The following YBEY variants were observed in gnomAD, a reference collection of about 807,000 sequenced individuals.
YBEY encodes the protein ybeY metalloendoribonuclease.
Under a neutral mutation model 13.5 loss-of-function variants are expected in YBEY, and 15 were observed. The ratio of observed to expected loss-of-function variants is 1.11; its 90% CI spans 0.75 to 1.72. The LOEUF is 1.72. Among genes scored for constraint, YBEY ranks in the 40% most tolerant of loss-of-function variants. The probability of loss-of-function intolerance (pLI) is 0.00; values close to 1 mark genes in which losing one functional copy is unlikely to be tolerated. For missense variants in YBEY, 244 were observed against 208.4 expected, an observed-to-expected ratio of 1.17 and a Z score of -1.05; for synonymous variants, 101 against 83.1, an observed-to-expected ratio of 1.21 and a Z score of -1.17.
chr21:46,293,288 A>AAT (rs1555920178), intron 3 of YBEY, among the ~76,000 whole-genome samples: 1 of 69,222 alleles, frequency 1.4e-5, no homozygotes, highest in Admixed American at 1.5e-4. Context: ...CTCAGTGGGG[A>AAT]CAGCCACACA....
chr21:46,302,978 CG>C, the YBEY span, among the ~76,000 whole-genome samples: 1 of 151,378 alleles, frequency 6.6e-6, no homozygotes, highest in African/African-American at 2.4e-5. Flanking sequence ...TGCGGGTCCC[CG>C]GGGCGCGCCC....
At chr21:46,291,254 G>A in intron 2 of YBEY, 80 bp from the exon 3 acceptor site, 2 of 1,570,202 alleles carry the variant, frequency 1.3e-6, no homozygotes, top group Non-Finnish European at 1.7e-6. Flanking sequence ...TTTGCCTTGG[G>A]ATTAACCAGG....
At chr21:46,303,727 ATATATATATATATATATATTT>A in the YBEY span, among the ~76,000 whole-genome samples, 57 of 26,610 alleles carry the variant, frequency 2.1e-3, 2 homozygotes, top group African/African-American at 8.3e-3. Flanking sequence ...ATATATATAT[ATATATATATATATATATATTT>A]TTTTTTTTTT....
the YBEY span, chr21:46,311,751 TCATCCATCCACC>T: frequency 1.6e-4 from 47 of 292,960 alleles, no homozygotes; most frequent in Non-Finnish European, 2.4e-4. Flanking sequence ...ATCCACCCAC[TCATCCATCCACC>T]CATCCATCCA....
At position 46,287,119 on chromosome 21, in the gene YBEY, A is replaced by C. The variant is rs1299245439; in HGVS notation, c.206A>C (p.His69Pro). The C allele has an allele frequency of 1.3e-6, 2 of 1,508,686 alleles. No homozygotes were observed. Among genetic ancestry groups the C allele is most frequent in the Non-Finnish European group, 1.8e-6 (2 of 1,110,620 alleles). 93.5% of individuals were successfully genotyped at this position (1,508,686 alleles called of 1,614,324 possible). A position where few individuals can be genotyped will look rare whatever the true frequency, so the allele number is the denominator to read the frequency against. Residue 69 changes from histidine to proline, a missense_variant, in exon 2 of 5, where the codon CAT (histidine) becomes CCT (proline). His to Pro is a moderately conservative substitution (Grantham distance 77, BLOSUM62 -2). Coordinates refer to ENST00000397701, the MANE Select transcript of YBEY (RefSeq NM_001314025.2). ...ACCGATGTGCTTTCTTTTCCATTTC[A>C]TGAGGTAAAAAAAAAATGTTCCTCT... The part of the protein sequence containing the change: ...VPTDVLSFPF[H>P]EHLKAGEFPQ...
chr21:46,309,185 G>A, the YBEY span, among the ~76,000 whole-genome samples: 3 of 152,118 alleles, frequency 2.0e-5, no homozygotes, highest in Non-Finnish European at 2.9e-5. Flanking sequence ...CGAAGGCCAG[G>A]CCTGGTGGCT....
intron 3 of YBEY, among the ~76,000 whole-genome samples, 183 bp from the exon 4 acceptor site, chr21:46,295,979 T>G (rs565972455): frequency 2.3e-4 from 35 of 152,254 alleles, no homozygotes; most frequent in Middle Eastern, 3.4e-3. Flanking sequence ...GGGGCTTGCT[T>G]GCTTTCCATT....
At chr21:46,298,490 G>A (rs1285058083), downstream of YBEY, among the ~76,000 whole-genome samples, 2 of 131,790 alleles carry the variant, frequency 1.5e-5, no homozygotes, top group African/African-American at 5.5e-5. Flanking sequence ...GTGCAGTGGT[G>A]CGATCTCGGC....
At chr21:46,299,015 C>T (rs183719700), downstream of YBEY, among the ~76,000 whole-genome samples, 152 of 151,588 alleles carry the variant, frequency 1.0e-3, 2 homozygotes, top group South Asian at 1.0e-3. Context: ...AGCCACACAC[C>T]GTGTCCGGCC....
intron 4 of YBEY, among the ~76,000 whole-genome samples, chr21:46,296,480 C>G (rs2081955379): frequency 6.6e-6 from 1 of 152,162 alleles, no homozygotes; most frequent in Admixed American, 6.5e-5. Flanking sequence ...TAGCACGTGG[C>G]GCTTGGTCAA....
At chr21:46,309,687 C>A in the YBEY span, among the ~76,000 whole-genome samples, 4 of 151,914 alleles carry the variant, frequency 2.6e-5, no homozygotes, top group Admixed American at 6.6e-5. Flanking sequence ...ACTGTGTAGA[C>A]CATTTCTACA....
chr21:46,301,825 A>G (rs3747007), downstream of YBEY: 857,265 of 1,260,114 alleles, frequency 0.68, 296,405 homozygotes, highest in Non-Finnish European at 0.71. Context: ...CCCCGTGACC[A>G]GAAAGCGAGC....
chr21:46,291,533 A>C (rs2081711978), intron 3 of YBEY, 71 bp downstream of exon 3: 1 of 1,594,308 alleles, frequency 6.3e-7, no homozygotes, highest in Non-Finnish European at 8.5e-7. Flanking sequence ...TCAAGATCAC[A>C]ACCCTGCATC....
At chr21:46,303,743 ATATTTTTTTTTTTTTT>A in the YBEY span, among the ~76,000 whole-genome samples, 82 of 19,598 alleles carry the variant, frequency 4.2e-3, 2 homozygotes, top group African/African-American at 0.014. Context: ...ATATATATAT[ATATTTTTTTTTTTTTT>A]TTTTTTTTTG....
intron 3 of YBEY, among the ~76,000 whole-genome samples, chr21:46,292,618 G>A (rs1229177950): frequency 8.7e-6 from 1 of 115,512 alleles, no homozygotes; most frequent in Non-Finnish European, 1.8e-5. Flanking sequence ...GGGACTCAGT[G>A]GGGACAGCCA....
chr21:46,311,696 CA>C, the YBEY span: 1 of 468,892 alleles, frequency 2.1e-6, no homozygotes, highest in Non-Finnish European at 3.9e-6. Flanking sequence ...TCCATCCAAC[CA>C]ACCAACCAAC....
the YBEY span, among the ~76,000 whole-genome samples, chr21:46,306,479 C>G: frequency 6.6e-6 from 1 of 152,034 alleles, no homozygotes; most frequent in African/African-American, 2.4e-5. Flanking sequence ...AGCCTGGCAA[C>G]AGAGCGACAC....
chr21:46,302,069 G>A, downstream of YBEY: 1 of 1,488,308 alleles, frequency 6.7e-7, no homozygotes, highest in Non-Finnish European at 9.0e-7. Context: ...TGGCCACACA[G>A]CATGGTGGTG....
the YBEY span, among the ~76,000 whole-genome samples, chr21:46,307,996 CT>C: frequency 2.6e-5 from 4 of 151,774 alleles, no homozygotes; most frequent in African/African-American, 9.7e-5. Context: ...TTGGCAGTTT[CT>C]TTTTTTTCTT....
Sources: gnomAD v4.1 joint callset for allele counts (sites outside exome capture counted in the v4.1 genomes callset) on GRCh38, gnomAD v4.1.1 for gene constraint, MANE v1.5 for transcripts, NCBI Gene and HGNC (gene_info 2026-07-23, HGNC 2026-07-21) for gene names.